Variants in PRPS2 observed in about 807,000 individuals in gnomAD.
The protein encoded by PRPS2 is phosphoribosyl pyrophosphate synthetase 2.
For missense variants in PRPS2, 104 were observed against 271.5 expected (o/e 0.38, Z 4.34); for synonymous variants, 111 against 115.3 (o/e 0.96, Z 0.24).
At chrX:12,808,984 G>C (rs1414795977) in intron 2 of PRPS2, among the ~76,000 whole-genome samples, 1 of 112,132 alleles carries the variant, frequency 8.9e-6, no homozygotes, top group Non-Finnish European at 1.9e-5. Flanking sequence ...ATGTTTAACT[G>C]TTTGCTTCTT....
At chrX:12,806,522 G>A (rs1004422223) in intron 2 of PRPS2, among the ~76,000 whole-genome samples, 4 of 112,573 alleles carry the variant, frequency 3.6e-5, no homozygotes, top group African/African-American at 9.7e-5. Context: ...AGGCTAGCAA[G>A]TCAGTTAACT....
chrX:12,820,877 T>C lies in PRPS2; in HGVS notation c.864+74T>C, dbSNP rs1026595837. 16 of 1,023,347 alleles carry C rather than the reference T, an allele frequency of 1.6e-5. No individual in the cohort carries two copies. In the Admixed American group the frequency reaches 4.1e-4, roughly 26 times the overall value. 84.3% of individuals were successfully genotyped at this position (1,023,347 alleles called of 1,213,427 possible). On this transcript the variant is annotated intron_variant, in intron 6 of 6. Coordinates refer to ENST00000380668, the MANE Select transcript of PRPS2 (RefSeq NM_002765.5). ...GATCCTTAAAAATAGCATCATGTCT[T>C]GTGTGTGTGTGGCTCCTTGCTAAGG... is the stretch of plus-strand genomic sequence containing the variant.
chrX:12,822,596 G>A (rs899534985), intron 6 of PRPS2, 108 bp from the exon 7 acceptor site: 1 of 713,325 alleles, frequency 1.4e-6, no homozygotes, highest in Admixed American at 2.4e-5. Flanking sequence ...AACACATCAT[G>A]TATGCTGCAG....
At chrX:12,813,928 G>A in intron 4 of PRPS2, among the ~76,000 whole-genome samples, 1 of 110,822 alleles carries the variant, frequency 9.0e-6, no homozygotes, top group South Asian at 3.8e-4. Context: ...TGGCTTCTGA[G>A]TTTATGTAGG....
chrX:12,818,626 G>T (rs2042661131), intron 4 of PRPS2, among the ~76,000 whole-genome samples: 1 of 111,282 alleles, frequency 9.0e-6, no homozygotes, highest in Non-Finnish European at 1.9e-5. Context: ...TCTTAAGTTG[G>T]GCCATGTGTG....
At chrX:12,813,163 C>A (rs1254288100) in intron 4 of PRPS2, among the ~76,000 whole-genome samples, 1 of 112,104 alleles carries the variant, frequency 8.9e-6, no homozygotes, top group Non-Finnish European at 1.9e-5. Flanking sequence ...GTATATCTGC[C>A]TATTTATTTC....
chrX:12,800,788 A>G (rs940345107), intron 2 of PRPS2, among the ~76,000 whole-genome samples: 3 of 111,653 alleles, frequency 2.7e-5, no homozygotes, highest in Admixed American at 9.6e-5. Context: ...GTCCCCCTGA[A>G]TTTTAATCCC....
At chrX:12,808,166 A>T (rs1413337540) in intron 2 of PRPS2, among the ~76,000 whole-genome samples, 1 of 111,227 alleles carries the variant, frequency 9.0e-6, no homozygotes, top group Non-Finnish European at 1.9e-5. Flanking sequence ...CGCGCCCCAT[A>T]TATACCTATT....
intron 2 of PRPS2, among the ~76,000 whole-genome samples, chrX:12,800,638 A>G (rs1000033968): frequency 8.9e-6 from 1 of 111,826 alleles, no homozygotes. Context: ...TTGGTAACTC[A>G]GTGCAAGAAA....
intron 1 of PRPS2, among the ~76,000 whole-genome samples, chrX:12,794,195 T>C (rs2042532809): frequency 8.9e-6 from 1 of 112,495 alleles, no homozygotes; most frequent in Non-Finnish European, 1.9e-5. Context: ...CAGCTGAGGC[T>C]GGTCACAGCT....
At position 12,823,080 on chromosome X, in the gene PRPS2, TG is replaced by T. The variant is rs984041914; in HGVS notation, c.*285del. On this transcript the variant is annotated 3_prime_UTR_variant, in exon 7 of 7. Transcript: ENST00000380668. Reference sequence around the variant, plus strand: ...AACAGGTACAGGTGATCTCTTCCTTTGTTCTTTCAGTACTTTGAGGCGACAA... The same window carrying T: ...AACAGGTACAGGTGATCTCTTCCTTTTTCTTTCAGTACTTTGAGGCGACAA... 1 of 259,439 alleles carries T rather than the reference TG, an allele frequency of 3.9e-6. No individual in the cohort carries two copies. The highest frequency in any genetic ancestry group is 6.4e-5 in the Admixed American group (1 of 15,604). 21.4% of individuals were successfully genotyped at this position (259,439 alleles called of 1,213,427 possible).
At chrX:12,801,267 T>TGTGTGTGTG (rs2042569297) in intron 2 of PRPS2, among the ~76,000 whole-genome samples, 1 of 110,486 alleles carries the variant, frequency 9.1e-6, no homozygotes, top group Non-Finnish European at 1.9e-5. Context: ...TGTGTGTGTG[T>TGTGTGTGTG]TTATGATCTA....
intron 1 of PRPS2, among the ~76,000 whole-genome samples, chrX:12,797,567 C>T (rs2042550713): frequency 9.0e-6 from 1 of 111,431 alleles, no homozygotes; most frequent in African/African-American, 3.3e-5. Context: ...CAGTTTTCTG[C>T]AGTCTCGGGA....
In PRPS2 at chrX:12,823,969, G is replaced by A. The variant is rs766399703; in HGVS notation, c.*1173G>A. On this transcript the variant is annotated 3_prime_UTR_variant, in exon 7 of 7. Transcript: ENST00000380668. ...TGTCCAATTCTACTGAATGGGGGTG[G>A]ACCTGGCATTTATCTGGCCAAAAAC... is the stretch of plus-strand genomic sequence containing the variant. 3 of 112,080 alleles carry A rather than the reference G, an allele frequency of 2.7e-5. No homozygotes were observed. Among genetic ancestry groups the A allele is most frequent in the Non-Finnish European group, 5.6e-5 (3 of 53,224 alleles). The allele number at this position is 112,080 out of a possible 1,213,427, so 9.2% of individuals were successfully genotyped here.
At chrX:12,820,123 T>C (rs919174269) in intron 5 of PRPS2, among the ~76,000 whole-genome samples, 1 of 112,665 alleles carries the variant, frequency 8.9e-6, no homozygotes, top group Non-Finnish European at 1.9e-5. Flanking sequence ...TGACTTGAGA[T>C]GTGCTGAGAG....
At chrX:12,795,991 T>C (rs1331892129) in intron 1 of PRPS2, among the ~76,000 whole-genome samples, 1 of 112,114 alleles carries the variant, frequency 8.9e-6, no homozygotes, top group Admixed American at 9.4e-5. Context: ...GTGAATGTTA[T>C]CAAAACTAAT....
intron 1 of PRPS2, among the ~76,000 whole-genome samples, chrX:12,797,508 T>C (rs2042550398): frequency 8.9e-6 from 1 of 111,789 alleles, no homozygotes; most frequent in Non-Finnish European, 1.9e-5. Flanking sequence ...GGTGTGTACA[T>C]GTGTATGTTT....
At chrX:12,808,491 C>T (rs992057300) in intron 2 of PRPS2, among the ~76,000 whole-genome samples, 1 of 111,431 alleles carries the variant, frequency 9.0e-6, no homozygotes, top group African/African-American at 3.3e-5. Context: ...GTTGTATTGT[C>T]CATAATTTAT....
At chrX:12,810,806 C>T (rs2042619933) in intron 4 of PRPS2, among the ~76,000 whole-genome samples, 1 of 106,603 alleles carries the variant, frequency 9.4e-6, no homozygotes, top group Non-Finnish European at 1.9e-5. Flanking sequence ...GCTATGATCA[C>T]ACCACTGCAC....
Sources: gnomAD v4.1 joint callset for allele counts (sites outside exome capture counted in the v4.1 genomes callset) on GRCh38, gnomAD v4.1.1 for gene constraint, MANE v1.5 for transcripts, NCBI Gene and HGNC (gene_info 2026-07-23, HGNC 2026-07-21) for gene names.